Variants in ZC3H12D observed in about 807,000 individuals in gnomAD.
The protein encoded by ZC3H12D is zinc finger CCCH-type containing 12D, also known as probable ribonuclease ZC3H12D.
Under a neutral mutation model 24.2 loss-of-function variants are expected in ZC3H12D, and 11 were observed. The ratio of observed to expected loss-of-function variants is 0.46; its 90% CI spans 0.29 to 0.75. The LOEUF (loss-of-function observed/expected upper bound fraction) is 0.75, where lower values mean the gene tolerates loss of function less well. ZC3H12D is among the 30% of genes least tolerant of loss of function. The probability of loss-of-function intolerance (pLI) is 0.11; values close to 1 mark genes in which losing one functional copy is unlikely to be tolerated. For synonymous variants in ZC3H12D, 333 were observed against 341.8 expected (o/e 0.97, Z 0.28); for missense variants, 740 against 767.7 (o/e 0.96, Z 0.43).
intron 2 of ZC3H12D, among the ~76,000 whole-genome samples, chr6:149,467,233 T>C (rs1583189213): frequency 6.6e-6 from 1 of 152,032 alleles, no homozygotes; most frequent in Non-Finnish European, 1.5e-5. Context: ...AGAAAAGACA[T>C]CACCCCTGCT....
chr6:149,456,844 G>T lies in ZC3H12D; in HGVS notation c.502C>A (p.Arg168Ser), dbSNP rs1249764921. Residue 168 changes from arginine to serine, a missense_variant, in exon 4 of 6, where the codon CGC becomes AGC. Physicochemically the swap from Arg to Ser is moderately radical, Grantham distance 110. Coordinates refer to ENST00000409806, the MANE Select transcript of ZC3H12D (RefSeq NM_207360.3). The surrounding 1 kb of genome is among the most constrained non-coding windows in gnomAD (Gnocchi z 4.3). Reference protein sequence around the residue: ...RQAVLVYTPSRKVHGKRLVCY... With the variant: ...RQAVLVYTPSSKVHGKRLVCY... ...ACCAGGCGCTTGCCGTGCACCTTGC[G>T]GGACGGCGTGTACACCAGCACCGCC... 1.2e-6 allele frequency: 2 copies of T among 1,609,658 alleles called. No homozygotes were observed. Among genetic ancestry groups the T allele is most frequent in the Non-Finnish European group, 1.7e-6 (2 of 1,179,714 alleles).
intron 1 of ZC3H12D, among the ~76,000 whole-genome samples, chr6:149,479,229 C>T (rs114221080): frequency 0.012 from 1,776 of 152,208 alleles, 31 homozygotes; most frequent in African/African-American, 0.041. Context: ...GGCATGGTGG[C>T]GTGTGCCTGA....
intron 2 of ZC3H12D, among the ~76,000 whole-genome samples, chr6:149,468,727 A>G (rs1307974277): frequency 6.6e-6 from 1 of 152,204 alleles, no homozygotes; most frequent in East Asian, 1.9e-4. Context: ...GCAGACAGGC[A>G]GGAGCCCAAG....
At chr6:149,476,419 G>A (rs557137431) in intron 1 of ZC3H12D, among the ~76,000 whole-genome samples, 46 of 152,072 alleles carry the variant, frequency 3.0e-4, no homozygotes, top group African/African-American at 1.0e-3. Flanking sequence ...CAGGAGACTC[G>A]CTGGAACCTG....
Position 149,450,671 on chromosome 6 carries a change from C to T in ZC3H12D, c.*12G>A. On this transcript the variant is annotated 3_prime_UTR_variant, in exon 6 of 6. Transcript: ENST00000409806. Reference sequence around the variant, plus strand: ...GAGGCTGGGCCATTCCCTGCAAGTGCGTGTTGGTCCCTTAGGGCTTGCCCA... The same window carrying T: ...GAGGCTGGGCCATTCCCTGCAAGTGTGTGTTGGTCCCTTAGGGCTTGCCCA... 2 of 1,505,050 alleles carry T rather than the reference C, an allele frequency of 1.3e-6. No homozygotes were observed. Among genetic ancestry groups the T allele is most frequent in the Middle Eastern group, 2.1e-4 (1 of 4,798 alleles). 93.2% of individuals were successfully genotyped at this position (1,505,050 alleles called of 1,614,324 possible).
chr6:149,466,505 CACAT>C (rs1180655904), intron 2 of ZC3H12D, among the ~76,000 whole-genome samples: 1 of 152,018 alleles, frequency 6.6e-6, no homozygotes, highest in Non-Finnish European at 1.5e-5. Context: ...ACCCCCGAGA[CACAT>C]GCATCTCTTC....
In ZC3H12D at chr6:149,450,848, G is replaced by T; in HGVS notation, c.1419C>A (p.Asp473Glu). The change falls in exon 6 of 6, where the codon GAC (aspartate) becomes GAA (glutamate). Residue 473 changes from aspartate to glutamate, a missense_variant. Asp to Glu is a conservative substitution (Grantham distance 45). Transcript: ENST00000409806. ...GGLSVYATED[D>E]EGDARARARI... ...GAGCCCGGGCGCGCGCGTCCCCCTC[G>T]TCGTCCTCGGTCGCGTACACTGAAA... The T allele has an allele frequency of 1.3e-6, 2 of 1,543,954 alleles. No individual in the cohort carries two copies. The highest frequency in any genetic ancestry group is 2.4e-5 in the East Asian group (1 of 40,880).
At chr6:149,472,466 T>G (rs1776260968) in intron 2 of ZC3H12D, among the ~76,000 whole-genome samples, 1 of 150,748 alleles carries the variant, frequency 6.6e-6, no homozygotes, top group Admixed American at 6.7e-5. Flanking sequence ...TTCTTCGTAG[T>G]GAGTCTGAGT....
chr6:149,476,666 G>C lies in ZC3H12D; in HGVS notation c.-70-2053C>G, dbSNP rs1776347194. Among the ~76,000 whole-genome samples, 3 of 152,154 alleles carry C rather than the reference G, an allele frequency of 2.0e-5. No homozygotes were observed. The South Asian group carries it at 6.2e-4, about 32-fold the overall frequency. ...CTACAAAAAATACAAAAATTAGCGG[G>C]GCATGGTGGCGTTGGCCTGTAATCC... On this transcript the variant is annotated intron_variant, in intron 1 of 5. Coordinates refer to ENST00000409806, the MANE Select transcript of ZC3H12D (RefSeq NM_207360.3).
rs1775872437 is a variant in ZC3H12D at position 149,450,593 on chromosome 6, C to A, written c.*90G>T. ...AAAGAAAAGGGGGCACCATGATGGG[C>A]CCACTCAGGTCCAGGCTGGCAACCA... On this transcript the variant is annotated 3_prime_UTR_variant, in exon 6 of 6. Coordinates refer to ENST00000409806, the MANE Select transcript of ZC3H12D (RefSeq NM_207360.3). The A allele has an allele frequency of 2.3e-6, 3 of 1,277,724 alleles. No homozygotes were observed. The highest frequency in any genetic ancestry group is 3.1e-6 in the Non-Finnish European group (3 of 958,694). 79.1% of individuals were successfully genotyped at this position (1,277,724 alleles called of 1,614,324 possible). A position where few individuals can be genotyped will look rare whatever the true frequency, so the allele number is the denominator to read the frequency against.
intron 3 of ZC3H12D, 125 bp from the exon 4 acceptor site, chr6:149,457,025 A>G: frequency 1.1e-6 from 1 of 904,348 alleles, no homozygotes; most frequent in Non-Finnish European, 1.6e-6. Context: ...GCGGGGAAAA[A>G]ACACCAGTTT....
intron 2 of ZC3H12D, among the ~76,000 whole-genome samples, chr6:149,463,886 TCACTGA>T (rs1776113298): frequency 6.6e-6 from 1 of 152,194 alleles, no homozygotes; most frequent in African/African-American, 2.4e-5. Flanking sequence ...GGCAGGCTAT[TCACTGA>T]CACCAGGAAT....
intron 2 of ZC3H12D, among the ~76,000 whole-genome samples, chr6:149,469,965 T>G (rs867503723): frequency 2.0e-5 from 3 of 152,166 alleles, no homozygotes; most frequent in African/African-American, 4.8e-5. Context: ...CATGGGGCAT[T>G]GGAGAGAGCA....
At chr6:149,480,520 T>G (rs1312658599) in intron 1 of ZC3H12D, among the ~76,000 whole-genome samples, 4 of 152,212 alleles carry the variant, frequency 2.6e-5, no homozygotes, top group Non-Finnish European at 5.9e-5. Flanking sequence ...ATCCCAGCAC[T>G]TTGGGAAGCC....
chr6:149,450,541 A>G lies in ZC3H12D; in HGVS notation c.*142T>C, dbSNP rs1471391783. The stretch of plus-strand genomic sequence containing the variant: ...GGCCCCCACAACCCCGCTCAGGAGG[A>G]GGAAGCAGGCTTCCCTGACCATCTT... On this transcript the variant is annotated 3_prime_UTR_variant, in exon 6 of 6. Coordinates refer to ENST00000409806, the MANE Select transcript of ZC3H12D (RefSeq NM_207360.3). The G allele has an allele frequency of 2.2e-6, 2 of 892,358 alleles. No individual in the cohort carries two copies. The highest frequency in any genetic ancestry group is 3.2e-6 in the Non-Finnish European group (2 of 616,426). The allele number at this position is 892,358 out of a possible 1,614,324, so 55.3% of individuals were successfully genotyped here.
intron 3 of ZC3H12D, 28 bp downstream of exon 3, chr6:149,461,803 T>G: frequency 6.5e-7 from 1 of 1,545,906 alleles, no homozygotes; most frequent in Non-Finnish European, 8.7e-7. Context: ...GTCTAGTACC[T>G]CTTGAGCATA....
chr6:149,484,192 A>G (rs1257003667), intron 1 of ZC3H12D, among the ~76,000 whole-genome samples: 1 of 152,192 alleles, frequency 6.6e-6, no homozygotes, highest in African/African-American at 2.4e-5. Context: ...AAAGCTCATA[A>G]TCTTGGGGGC....
At chr6:149,470,176 T>A (rs1776222750) in intron 2 of ZC3H12D, among the ~76,000 whole-genome samples, 1 of 152,108 alleles carries the variant, frequency 6.6e-6, no homozygotes, top group Admixed American at 6.6e-5. Flanking sequence ...CTGGCCAACA[T>A]GGTGAAACCC....
intron 1 of ZC3H12D, among the ~76,000 whole-genome samples, chr6:149,482,290 C>T (rs778801523): frequency 1.3e-5 from 2 of 152,258 alleles, no homozygotes; most frequent in Admixed American, 6.5e-5. Flanking sequence ...GCCCTGGAGC[C>T]GCAGCCTTCC....
Sources: allele counts gnomAD v4.1 joint callset (sites outside exome capture counted in the v4.1 genomes callset), GRCh38; gene constraint gnomAD v4.1.1; non-coding constraint Gnocchi (gnomAD v3.1); transcripts MANE v1.5; gene names NCBI Gene and HGNC (gene_info 2026-07-23, HGNC 2026-07-21).